ARAP2: variants seen among roughly 807,000 people sequenced by gnomAD.
The protein encoded by ARAP2 is ArfGAP with RhoGAP domain, ankyrin repeat and PH domain 2.
ARAP2 carries 148 observed loss-of-function variants against 194.5 expected under a neutral mutation model. The observed-to-expected ratio is 0.76, with a 90% CI of 0.67 to 0.87. The LOEUF is 0.87. Ranked by LOEUF, ARAP2 falls within the 40% of genes least tolerant of loss-of-function variation. ARAP2 has a pLI of 0.00. For missense variants in ARAP2, 2,128 were observed against 1,989.7 expected (o/e 1.07, Z -1.32); for synonymous variants, 695 against 683.5 (o/e 1.02, Z -0.26).
chr4:36,157,442 A>T (rs2109762270), intron 15 of ARAP2: 1 of 152,282 alleles, frequency 6.6e-6, no homozygotes, highest in East Asian at 1.9e-4. Flanking sequence ...GTAAAGGATG[A>T]CAAAAACCAA....
At chr4:36,044,124 C>T (rs1316670742) in intron 5 of ARAP2, among the ~76,000 whole-genome samples, 1 of 152,080 alleles carries the variant, frequency 6.6e-6, no homozygotes, top group African/African-American at 2.4e-5. Flanking sequence ...CATGTAGTGT[C>T]CCGTTTACCA....
In ARAP2 at chr4:36,210,416, T is replaced by G. The variant is rs754340646; in HGVS notation, c.1461A>C (p.Gly487=). ...YGASAKKVKS[G]WLDKLSPQGK... The stretch of plus-strand genomic sequence containing the variant: ...CTTGAGGAGAGAGTTTATCCAGCCA[T>G]CCTGATTTAACCTTCTTTGCAGATG... The change falls in exon 6 of 33, where the codon GGA becomes GGC. Residue 487 remains glycine (G), a synonymous_variant. Transcript: ENST00000303965. The G allele has an allele frequency of 1.9e-6, 3 of 1,612,618 alleles. No homozygotes were observed. The South Asian group carries it at 3.3e-5, about 18-fold the overall frequency.
intron 6 of ARAP2, among the ~76,000 whole-genome samples, chr4:36,206,266 C>A (rs1176935549): frequency 6.6e-6 from 1 of 152,234 alleles, no homozygotes; most frequent in East Asian, 1.9e-4. Context: ...GGAGCTCTGA[C>A]TGCCAGTCGT....
At chr4:36,079,077 G>T (rs1728897160) in intron 31 of ARAP2, among the ~76,000 whole-genome samples, 1 of 146,624 alleles carries the variant, frequency 6.8e-6, no homozygotes, top group Non-Finnish European at 1.5e-5. Flanking sequence ...AGGAGGCTGA[G>T]ACAGGAGAAT....
chr4:36,173,260 G>GCAGAAATTCT (rs1296025095), intron 9 of ARAP2, among the ~76,000 whole-genome samples: 1 of 152,098 alleles, frequency 6.6e-6, no homozygotes, highest in East Asian at 1.9e-4. Context: ...TCTTCCTCTT[G>GCAGAAATTCT]TACGCTTGCA....
At chr4:36,082,931 G>A (rs901403167) in intron 29 of ARAP2, among the ~76,000 whole-genome samples, 1 of 152,036 alleles carries the variant, frequency 6.6e-6, no homozygotes, top group Admixed American at 6.6e-5. Flanking sequence ...AGTAAAAAGG[G>A]AAAATTACAG....
chr4:36,206,275 G>C (rs769473099), intron 6 of ARAP2, among the ~76,000 whole-genome samples: 45 of 152,184 alleles, frequency 3.0e-4, no homozygotes, highest in African/African-American at 1.1e-3. Flanking sequence ...ACTGCCAGTC[G>C]TTGTCTGAGC....
intron 1 of ARAP2, among the ~76,000 whole-genome samples, chr4:36,231,055 G>A (rs1751347710): frequency 6.6e-6 from 1 of 152,150 alleles, no homozygotes; most frequent in Non-Finnish European, 1.5e-5. Context: ...GTTACACCTC[G>A]GCCAGGCAAA....
intron 5 of ARAP2, among the ~76,000 whole-genome samples, chr4:36,021,123 G>A (rs555597897): frequency 1.5e-4 from 23 of 152,176 alleles, no homozygotes; most frequent in South Asian, 4.2e-4. Flanking sequence ...GCAGCTATTC[G>A]GAAAGGAGAT....
At chr4:36,185,762 G>C (rs1485151194) in intron 8 of ARAP2, among the ~76,000 whole-genome samples, 1 of 151,652 alleles carries the variant, frequency 6.6e-6, no homozygotes, top group East Asian at 1.9e-4. Context: ...GATCACCTGA[G>C]ATCAGGAGTT....
At chr4:36,159,567 G>T in intron 13 of ARAP2, 62 bp from the exon 14 acceptor site, 1 of 1,320,408 alleles carries the variant, frequency 7.6e-7, no homozygotes, top group Non-Finnish European at 1.0e-6. Flanking sequence ...CTATTAAAAT[G>T]AGTGAAAGTC....
At chr4:36,194,713 T>C (rs1040416687) in intron 6 of ARAP2, among the ~76,000 whole-genome samples, 1 of 152,130 alleles carries the variant, frequency 6.6e-6, no homozygotes, top group Non-Finnish European at 1.5e-5. Flanking sequence ...TAAGATAAAA[T>C]TATACCAAAT....
intron 2 of ARAP2, among the ~76,000 whole-genome samples, chr4:36,218,544 T>C (rs1313870162): frequency 1.3e-5 from 2 of 152,152 alleles, no homozygotes; most frequent in Non-Finnish European, 2.9e-5. Context: ...CACATCTATA[T>C]GGAAGCAAAT....
chr4:36,218,451 CAG>C (rs1325669921), intron 2 of ARAP2, among the ~76,000 whole-genome samples: 4 of 151,096 alleles, frequency 2.6e-5, no homozygotes, highest in Admixed American at 6.6e-5. Flanking sequence ...AAAAAAAAAA[CAG>C]AGATCCAATT....
At chr4:36,178,814 G>A (rs4282203) in intron 8 of ARAP2, among the ~76,000 whole-genome samples, 134,973 of 152,232 alleles carry the variant, frequency 0.89, 60,042 homozygotes, top group East Asian at 1. Context: ...AAAGTGAGGA[G>A]AATCAAATGT....
At chr4:36,084,180 G>A (rs1256202035) in intron 28 of ARAP2, among the ~76,000 whole-genome samples, 1 of 152,116 alleles carries the variant, frequency 6.6e-6, no homozygotes, top group Non-Finnish European at 1.5e-5. Context: ...GGCCTATTGT[G>A]GGACCTCACC....
At chr4:36,099,636 A>T (rs1473193642) in intron 27 of ARAP2, among the ~76,000 whole-genome samples, 1 of 152,118 alleles carries the variant, frequency 6.6e-6, no homozygotes, top group Non-Finnish European at 1.5e-5. Context: ...AATAATGTAG[A>T]CTTAAATCTT....
At chr4:36,216,367 G>T (rs1327789138) in intron 2 of ARAP2, among the ~76,000 whole-genome samples, 2 of 152,164 alleles carry the variant, frequency 1.3e-5, no homozygotes, top group Non-Finnish European at 2.9e-5. Flanking sequence ...TAAGGCTGTC[G>T]ATATCAAGTG....
intron 27 of ARAP2, among the ~76,000 whole-genome samples, chr4:36,097,152 G>A (rs955947917): frequency 4.6e-5 from 7 of 151,820 alleles, no homozygotes; most frequent in Non-Finnish European, 7.4e-5. Context: ...TTTAAATATC[G>A]TTTAAATAGT....
Sources: gnomAD v4.1 joint callset for allele counts (sites outside exome capture counted in the v4.1 genomes callset) on GRCh38, gnomAD v4.1.1 for gene constraint, MANE v1.5 for transcripts, NCBI Gene and HGNC (gene_info 2026-07-23, HGNC 2026-07-21) for gene names.